The following CFDP1 variants were observed in gnomAD, a reference collection of about 807,000 sequenced individuals.
The protein encoded by CFDP1 is chromatin remodeling protein CFDP1.
A neutral mutation model predicts 40.1 loss-of-function variants in CFDP1; 31 were observed. The observed-to-expected ratio is 0.77, with a 90% CI of 0.58 to 1.04. The LOEUF (loss-of-function observed/expected upper bound fraction) is 1.04, where lower values mean the gene tolerates loss of function less well. Among genes scored for constraint, CFDP1 ranks in the 50% least tolerant of loss-of-function variants. The pLI is 0.00. For synonymous variants in CFDP1, 167 were observed against 120.0 expected, an observed-to-expected ratio of 1.39 and a Z score of -2.56; for missense variants, 423 against 343.4, an observed-to-expected ratio of 1.23 and a Z score of -1.83.
chr16:75,359,955 A>G (rs563165407), intron 5 of CFDP1, among the ~76,000 whole-genome samples: 1 of 152,340 alleles, frequency 6.6e-6, no homozygotes, highest in East Asian at 1.9e-4. Flanking sequence ...AGACAACAGC[A>G]GTGCAGTGGC....
intron 5 of CFDP1, among the ~76,000 whole-genome samples, chr16:75,347,353 AAAAAAAAAAAAG>A (rs869115204): frequency 4.8e-4 from 40 of 83,822 alleles, no homozygotes; most frequent in African/African-American, 1.8e-3. Flanking sequence ...CAAAAAAAAA[AAAAAAAAAAAAG>A]AAAAAGAAAA....
At chr16:75,331,926 C>A (rs562652195) in intron 5 of CFDP1, among the ~76,000 whole-genome samples, 2 of 152,342 alleles carry the variant, frequency 1.3e-5, no homozygotes, top group South Asian at 2.1e-4. Context: ...GTCCTACCAT[C>A]AGCTATGTAT....
At position 75,421,143 on chromosome 16, in the gene CFDP1, G is replaced by T. The variant is rs191269887; in HGVS notation, c.65-6448C>A. ...CACAGAGGTTCCTGCTGTTTGCAGC[G>T]GGGAGGAGCCCGGCCCCTCTTCTTC... is the stretch of plus-strand genomic sequence containing the variant. On this transcript the variant is annotated intron_variant, in intron 1 of 6. Coordinates refer to ENST00000283882, the MANE Select transcript of CFDP1 (RefSeq NM_006324.3). Among the ~76,000 whole-genome samples the T allele has an allele frequency of 8.5e-5, 13 of 152,284 alleles. No individual in the cohort carries two copies. The South Asian group carries it at 2.7e-3, about 32-fold the overall frequency.
Position 75,411,040 on chromosome 16 carries a change from G to A in CFDP1, c.530+785C>T, listed in dbSNP as rs566050958. 1.1e-4 allele frequency among the ~76,000 whole-genome samples: 16 copies of A among 151,886 alleles called. No homozygotes were observed. In the South Asian group the frequency reaches 3.1e-3, roughly 30 times the overall value. On this transcript the variant is annotated intron_variant, in intron 4 of 6. Coordinates refer to ENST00000283882, the MANE Select transcript of CFDP1 (RefSeq NM_006324.3). ...TCAAGACCAGCCTGGCCAACATGGC[G>A]AAACCCCATCTCTACTAAAAACACA...
At chr16:75,432,327 C>T (rs936832648) in intron 1 of CFDP1, among the ~76,000 whole-genome samples, 4 of 138,952 alleles carry the variant, frequency 2.9e-5, no homozygotes, top group African/African-American at 1.1e-4. Context: ...CTTGAGCCCA[C>T]GAGTTCGAGA....
At chr16:75,403,999 G>C (rs1024788333) in intron 4 of CFDP1, among the ~76,000 whole-genome samples, 1 of 151,674 alleles carries the variant, frequency 6.6e-6, no homozygotes, top group Non-Finnish European at 1.5e-5. Flanking sequence ...GGGTGCAGTG[G>C]CAGGTGCCTG....
intron 5 of CFDP1, among the ~76,000 whole-genome samples, chr16:75,356,980 C>T (rs2078649278): frequency 7.4e-6 from 1 of 135,622 alleles, no homozygotes; most frequent in Non-Finnish European, 1.5e-5. Context: ...GTGGCGTGAT[C>T]TTGACTCACT....
intron 6 of CFDP1, among the ~76,000 whole-genome samples, chr16:75,299,498 G>C (rs2078207211): frequency 6.6e-6 from 1 of 151,966 alleles, no homozygotes; most frequent in African/African-American, 2.4e-5. Context: ...GGGAGGCTGA[G>C]GCAGGAGAAT....
At chr16:75,432,073 A>C (rs2079426710) in intron 1 of CFDP1, among the ~76,000 whole-genome samples, 1 of 151,282 alleles carries the variant, frequency 6.6e-6, no homozygotes, top group Non-Finnish European at 1.5e-5. Context: ...CACCATGCCC[A>C]GCTAATTTTT....
At chr16:75,309,831 A>AC (rs1160849236) in intron 5 of CFDP1, among the ~76,000 whole-genome samples, 3 of 150,596 alleles carry the variant, frequency 2.0e-5, no homozygotes, top group Admixed American at 6.6e-5. Context: ...AAAAAAAAAA[A>AC]AAAAAAAAAA....
At chr16:75,373,256 G>C (rs1209991484) in intron 5 of CFDP1, among the ~76,000 whole-genome samples, 1 of 152,210 alleles carries the variant, frequency 6.6e-6, no homozygotes, top group African/African-American at 2.4e-5. Flanking sequence ...TACACACACA[G>C]ATGTTAAATT....
chr16:75,320,833 A>G (rs2151509633), intron 5 of CFDP1, among the ~76,000 whole-genome samples: 1 of 152,372 alleles, frequency 6.6e-6, no homozygotes, highest in Non-Finnish European at 1.5e-5. Context: ...AACAAAATCC[A>G]AAAACATGAC....
intron 5 of CFDP1, among the ~76,000 whole-genome samples, chr16:75,306,903 GCA>G (rs918603156): frequency 5.5e-4 from 48 of 87,078 alleles, no homozygotes; most frequent in Non-Finnish European, 9.2e-4. Flanking sequence ...ACACACACAC[GCA>G]CACACACACA....
At chr16:75,397,763 G>A (rs1279937407) in intron 4 of CFDP1, among the ~76,000 whole-genome samples, 4 of 151,270 alleles carry the variant, frequency 2.6e-5, no homozygotes, top group East Asian at 2.0e-4. Context: ...CCGAGATCCC[G>A]CCACTGCACT....
intron 1 of CFDP1, among the ~76,000 whole-genome samples, chr16:75,428,839 A>G (rs918583536): frequency 2.6e-5 from 4 of 151,490 alleles, no homozygotes; most frequent in Non-Finnish European, 5.9e-5. Flanking sequence ...GGAACAGGCC[A>G]GGCGTAGAGG....
chr16:75,399,512 T>C (rs2079029507), intron 4 of CFDP1, among the ~76,000 whole-genome samples: 1 of 152,168 alleles, frequency 6.6e-6, no homozygotes. Flanking sequence ...AGAAGAAGTA[T>C]AACAGAAAAG....
intron 4 of CFDP1, among the ~76,000 whole-genome samples, chr16:75,399,631 G>A (rs1445243064): frequency 6.6e-6 from 1 of 151,866 alleles, no homozygotes; most frequent in Non-Finnish European, 1.5e-5. Flanking sequence ...CTCCTGCCTT[G>A]GCCTCCCAGT....
chr16:75,311,537 C>G (rs906594580), intron 5 of CFDP1, among the ~76,000 whole-genome samples: 1 of 152,194 alleles, frequency 6.6e-6, no homozygotes, highest in African/African-American at 2.4e-5. Context: ...CTTGAACTGA[C>G]AGACCAGTAC....
At chr16:75,359,862 T>C (rs1272099670) in intron 5 of CFDP1, among the ~76,000 whole-genome samples, 1 of 152,200 alleles carries the variant, frequency 6.6e-6, no homozygotes, top group African/African-American at 2.4e-5. Flanking sequence ...CAGTTTTCAG[T>C]GTTTTATTTA....
Sources: gnomAD v4.1 joint callset for allele counts (sites outside exome capture counted in the v4.1 genomes callset) on GRCh38, gnomAD v4.1.1 for gene constraint, MANE v1.5 for transcripts, NCBI Gene and HGNC (gene_info 2026-07-23, HGNC 2026-07-21) for gene names.